RBFOX1: variants seen among roughly 807,000 people sequenced by gnomAD.
RBFOX1 encodes RNA binding fox-1 homolog 1.
In RBFOX1, 8 loss-of-function variants were observed where a neutral mutation model predicts 57.7. The observed-to-expected ratio is 0.14, with a 90% confidence interval of 0.08 to 0.25. RBFOX1 has a LOEUF of 0.25. Among genes scored for constraint, RBFOX1 ranks in the 10% least tolerant of loss-of-function variants. The probability of loss-of-function intolerance (pLI) is 1.00; values close to 1 mark genes in which losing one functional copy is unlikely to be tolerated. For missense variants in RBFOX1, 611 were observed against 548.5 expected (o/e 1.11, Z -1.14); for synonymous variants, 326 against 222.4 (o/e 1.47, Z -4.15).
intron 4 of RBFOX1, among the ~76,000 whole-genome samples, chr16:7,274,540 T>A (rs2095403473): frequency 6.6e-6 from 1 of 152,170 alleles, no homozygotes; most frequent in South Asian, 2.1e-4. Flanking sequence ...GCTCTGTACT[T>A]GCTTCTGACA....
At chr16:7,119,911 A>G (rs1475472776) in intron 4 of RBFOX1, among the ~76,000 whole-genome samples, 1 of 152,164 alleles carries the variant, frequency 6.6e-6, no homozygotes, top group Non-Finnish European at 1.5e-5. Flanking sequence ...GTTCTGTTCA[A>G]GTCCACATGA....
chr16:7,480,446 A>C (rs2063663086), intron 4 of RBFOX1, among the ~76,000 whole-genome samples: 1 of 152,242 alleles, frequency 6.6e-6, no homozygotes, highest in Admixed American at 6.5e-5. Flanking sequence ...AAGTGAATGC[A>C]ATAGACATTT....
intron 3 of RBFOX1, among the ~76,000 whole-genome samples, chr16:6,790,237 T>C (rs1234976598): frequency 6.6e-6 from 1 of 151,226 alleles, no homozygotes; most frequent in Non-Finnish European, 1.5e-5. Flanking sequence ...CAGGCTGGAA[T>C]GCAGTGGTAC....
chr16:7,108,882 C>A (rs137992871), intron 4 of RBFOX1, among the ~76,000 whole-genome samples: 1 of 152,246 alleles, frequency 6.6e-6, no homozygotes, highest in East Asian at 1.9e-4. Context: ...GAATACTATG[C>A]ATCTGTGAAA....
intron 3 of RBFOX1, among the ~76,000 whole-genome samples, chr16:5,733,674 T>C (rs995051401): frequency 5.9e-5 from 9 of 152,060 alleles, no homozygotes; most frequent in Admixed American, 4.6e-4. Flanking sequence ...CCTTGTGTCC[T>C]TCCTCTTTCC....
chr16:7,374,847 A>T (rs951645530), intron 4 of RBFOX1, among the ~76,000 whole-genome samples: 8 of 152,214 alleles, frequency 5.3e-5, no homozygotes, highest in African/African-American at 1.9e-4. Flanking sequence ...ATTTTGAAAT[A>T]GGTGGTGATA....
At chr16:6,108,314 G>C (rs2096406157) in intron 1 of RBFOX1, among the ~76,000 whole-genome samples, 1 of 152,108 alleles carries the variant, frequency 6.6e-6, no homozygotes, top group Non-Finnish European at 1.5e-5. Flanking sequence ...TGACAGCTCT[G>C]TCATTTGGTA....
chr16:6,887,773 C>T (rs1245851505), intron 3 of RBFOX1, among the ~76,000 whole-genome samples: 1 of 151,936 alleles, frequency 6.6e-6, no homozygotes, highest in Non-Finnish European at 1.5e-5. Context: ...AGTGATTCTC[C>T]AGCCTCAGCC....
chr16:7,630,793 GCTCT>G, intron 11 of RBFOX1, 110 bp downstream of exon 11: 1 of 1,515,014 alleles, frequency 6.6e-7, no homozygotes, highest in Non-Finnish European at 8.8e-7. Context: ...CTCTCTTGTG[GCTCT>G]CTCTGAGGTG....
At chr16:5,454,384 T>G (rs1597128689) in intron 1 of RBFOX1, among the ~76,000 whole-genome samples, 2 of 152,248 alleles carry the variant, frequency 1.3e-5, no homozygotes, top group East Asian at 3.8e-4. Context: ...TGAAGGTTAA[T>G]TTTATTAATG....
Position 6,544,399 on chromosome 16 carries a change from C to T in RBFOX1, c.-63-110204C>T, listed in dbSNP as rs114467613. Reference sequence around the variant, plus strand: ...TCTGAGGAACACCTGGCAAACATTTCCACCTAAATTAGTTCTTGGCTTCAC... The same window carrying T: ...TCTGAGGAACACCTGGCAAACATTTTCACCTAAATTAGTTCTTGGCTTCAC... On this transcript the variant is annotated intron_variant, in intron 2 of 15. Coordinates refer to ENST00000550418, the MANE Select transcript of RBFOX1 (RefSeq NM_018723.4). 5.0e-3 allele frequency among the ~76,000 whole-genome samples: 758 copies of T among 152,304 alleles called. 6 individuals are homozygous for T. Among genetic ancestry groups the T allele is most frequent in the African/African-American group, 0.016 (685 of 41,564 alleles).
chr16:7,230,733 A>G (rs767060626), intron 4 of RBFOX1, among the ~76,000 whole-genome samples: 1 of 152,178 alleles, frequency 6.6e-6, no homozygotes, highest in Non-Finnish European at 1.5e-5. Context: ...ACTTCTGTCA[A>G]CTTAGCACCA....
intron 3 of RBFOX1, among the ~76,000 whole-genome samples, chr16:5,793,449 G>A (rs1277796827): frequency 3.9e-5 from 6 of 152,242 alleles, no homozygotes; most frequent in Admixed American, 3.9e-4. Flanking sequence ...GGTGCTGGGG[G>A]ACCGGCTTCA....
intron 5 of RBFOX1, among the ~76,000 whole-genome samples, chr16:7,572,592 C>A (rs2092900524): frequency 6.6e-6 from 1 of 152,190 alleles, no homozygotes; most frequent in Non-Finnish European, 1.5e-5. Flanking sequence ...GTAATCCCAG[C>A]ACTTTGGGAG....
At position 6,244,757 on chromosome 16, in the gene RBFOX1, C is replaced by G. The variant is rs1029567820; in HGVS notation, c.-126-72238C>G. Among the ~76,000 whole-genome samples, 111 of 152,286 alleles carry G rather than the reference C, an allele frequency of 7.3e-4. 1 individual carries two copies. Among genetic ancestry groups the G allele is most frequent in the Middle Eastern group, 3.4e-3 (1 of 294 alleles). ...ACTCCTGACCTCGTGATCCACCTTC[C>G]TTGACCTCCCAAAGTGCTGGGATTA... On this transcript the variant is annotated intron_variant, in intron 1 of 15. Transcript: ENST00000550418.
intron 1 of RBFOX1, among the ~76,000 whole-genome samples, chr16:5,356,304 A>G (rs1046446989): frequency 6.6e-6 from 1 of 152,196 alleles, no homozygotes; most frequent in African/African-American, 2.4e-5. Context: ...TTGAACTTCT[A>G]GGCTACAGAA....
chr16:7,683,621 C>T (rs547172049), intron 14 of RBFOX1, among the ~76,000 whole-genome samples: 1 of 152,122 alleles, frequency 6.6e-6, no homozygotes, highest in African/African-American at 2.4e-5. Flanking sequence ...TGTAACAACT[C>T]CTTTGGTCAT....
At chr16:6,109,605 C>T (rs1342010839) in intron 1 of RBFOX1, among the ~76,000 whole-genome samples, 1 of 152,144 alleles carries the variant, frequency 6.6e-6, no homozygotes, top group Non-Finnish European at 1.5e-5. Flanking sequence ...AATACATTTG[C>T]AGTCACGATT....
chr16:7,312,049 T>C (rs2096324307), intron 4 of RBFOX1, among the ~76,000 whole-genome samples: 1 of 152,224 alleles, frequency 6.6e-6, no homozygotes, highest in Non-Finnish European at 1.5e-5. Context: ...GCTCAGTGCC[T>C]GGGGTGCAGT....
Sources: gnomAD v4.1 joint callset for allele counts (sites outside exome capture counted in the v4.1 genomes callset) on GRCh38, gnomAD v4.1.1 for gene constraint, MANE v1.5 for transcripts, NCBI Gene and HGNC (gene_info 2026-07-23, HGNC 2026-07-21) for gene names.